Variants in CSMD1 observed in about 807,000 individuals in gnomAD.
CSMD1 encodes the protein CUB and Sushi multiple domains 1.
A neutral mutation model predicts 417.5 loss-of-function variants in CSMD1; 213 were observed. The ratio of observed to expected loss-of-function variants is 0.51; its 90% CI spans 0.46 to 0.57. The LOEUF (loss-of-function observed/expected upper bound fraction) is 0.57, where lower values mean the gene tolerates loss of function less well. CSMD1 is among the 20% of genes least tolerant of loss of function. The pLI, the probability that CSMD1 is intolerant of heterozygous loss-of-function variation, is 0.00. For synonymous variants in CSMD1, 2,862 were observed against 1,736.8 expected (o/e 1.65, Z -16.11); for missense variants, 6,923 against 4,529.7 (o/e 1.53, Z -15.17).
At chr8:3,477,573 G>A (rs1330466746) in intron 11 of CSMD1, among the ~76,000 whole-genome samples, 1 of 152,206 alleles carries the variant, frequency 6.6e-6, no homozygotes, top group East Asian at 1.9e-4. Context: ...TGAGGATGGA[G>A]TAAAATACCA....
chr8:4,440,514 G>C (rs1808586), intron 2 of CSMD1, among the ~76,000 whole-genome samples: 59,948 of 151,894 alleles, frequency 0.39, 12,926 homozygotes, highest in Non-Finnish European at 0.5. Flanking sequence ...AATTTCTATG[G>C]ATATAAAGAC....
intron 1 of CSMD1, among the ~76,000 whole-genome samples, chr8:4,949,210 G>C (rs898172466): frequency 1.3e-5 from 2 of 152,048 alleles, no homozygotes; most frequent in Non-Finnish European, 2.9e-5. Flanking sequence ...ATTGCATTTG[G>C]TTTGTCTATA....
chr8:4,221,051 C>T (rs767213733), intron 3 of CSMD1, among the ~76,000 whole-genome samples: 5 of 151,920 alleles, frequency 3.3e-5, no homozygotes, highest in African/African-American at 9.7e-5. Context: ...TTCCCATGAG[C>T]GAAAAACCCA....
At chr8:3,553,672 T>C (rs1799016417) in intron 10 of CSMD1, among the ~76,000 whole-genome samples, 1 of 152,228 alleles carries the variant, frequency 6.6e-6, no homozygotes, top group African/African-American at 2.4e-5. Context: ...TAACTTGGGA[T>C]AGGGAAACCA....
intron 11 of CSMD1, among the ~76,000 whole-genome samples, chr8:3,481,424 G>C (rs577649533): frequency 1.3e-5 from 2 of 152,112 alleles, no homozygotes; most frequent in Non-Finnish European, 2.9e-5. Flanking sequence ...AGTTGAAGGG[G>C]TAAAGGGCCC....
chr8:3,256,223 G>C (rs961087437), intron 26 of CSMD1, among the ~76,000 whole-genome samples: 1 of 150,870 alleles, frequency 6.6e-6, no homozygotes, highest in African/African-American at 2.4e-5. Flanking sequence ...ACTACTCAGG[G>C]GGCTGAGGCA....
At chr8:4,920,934 G>GA (rs1438280458) in intron 1 of CSMD1, among the ~76,000 whole-genome samples, 7 of 1,722 alleles carry the variant, frequency 4.1e-3, no homozygotes, top group South Asian at 0.062. Flanking sequence ...AAGAAAGAGA[G>GA]AAAGAAAGAA....
At chr8:4,924,893 G>T (rs920031002) in intron 1 of CSMD1, among the ~76,000 whole-genome samples, 9 of 152,030 alleles carry the variant, frequency 5.9e-5, no homozygotes, top group African/African-American at 1.9e-4. Context: ...AGACAAAACT[G>T]GGATTTGAAC....
At chr8:4,125,232 G>A (rs547928837) in intron 3 of CSMD1, among the ~76,000 whole-genome samples, 4 of 152,242 alleles carry the variant, frequency 2.6e-5, no homozygotes, top group African/African-American at 9.6e-5. Flanking sequence ...ACTGCTTAGG[G>A]CCAACCTGCC....
chr8:3,553,963 A>C (rs1287383275), intron 10 of CSMD1, among the ~76,000 whole-genome samples: 1 of 152,216 alleles, frequency 6.6e-6, no homozygotes, highest in African/African-American at 2.4e-5. Flanking sequence ...TTTGTACATT[A>C]GGTGATGGAA....
chr8:4,405,195 A>G (rs890427349), intron 3 of CSMD1, among the ~76,000 whole-genome samples: 1 of 152,210 alleles, frequency 6.6e-6, no homozygotes, highest in African/African-American at 2.4e-5. Context: ...AACACAATGT[A>G]TTTTACTCAA....
intron 10 of CSMD1, among the ~76,000 whole-genome samples, chr8:3,547,165 G>C (rs377231364): frequency 7.0e-4 from 107 of 152,324 alleles, no homozygotes; most frequent in African/African-American, 2.4e-3. Flanking sequence ...GCTTGGCAAA[G>C]ATGAATACCT....
intron 3 of CSMD1, among the ~76,000 whole-genome samples, chr8:4,377,997 T>C (rs1364862069): frequency 6.6e-6 from 1 of 152,208 alleles, no homozygotes; most frequent in African/African-American, 2.4e-5. Flanking sequence ...AACATTTAAA[T>C]ATATTTGTAA....
chr8:4,788,526 T>G, intron 1 of CSMD1: 1 of 1,436,132 alleles, frequency 7.0e-7, no homozygotes, highest in Non-Finnish European at 9.7e-7. Context: ...TGAGCAAGCA[T>G]TTTGAACACA....
intron 3 of CSMD1, among the ~76,000 whole-genome samples, chr8:4,059,868 G>T (rs898579864): frequency 6.7e-6 from 1 of 149,950 alleles, no homozygotes; most frequent in African/African-American, 2.4e-5. Flanking sequence ...AGAGGTACAA[G>T]GAGGAACTGG....
intron 5 of CSMD1, among the ~76,000 whole-genome samples, chr8:3,937,274 C>A (rs1185769636): frequency 2.0e-5 from 3 of 151,670 alleles, no homozygotes; most frequent in Admixed American, 6.6e-5. Context: ...AGAAGACTGA[C>A]TGAATTTTGA....
chr8:4,845,425 T>C (rs1801085257), intron 1 of CSMD1, among the ~76,000 whole-genome samples: 5 of 152,192 alleles, frequency 3.3e-5, no homozygotes. Context: ...ATTGAGAACT[T>C]GAATCAACCA....
intron 10 of CSMD1, among the ~76,000 whole-genome samples, chr8:3,498,003 T>C (rs992059474): frequency 6.6e-6 from 1 of 152,248 alleles, no homozygotes; most frequent in Non-Finnish European, 1.5e-5. Flanking sequence ...TAAATTTTTA[T>C]TAGCTTTTCC....
intron 25 of CSMD1, among the ~76,000 whole-genome samples, chr8:3,295,054 A>G (rs541854200): frequency 6.6e-6 from 1 of 152,150 alleles, no homozygotes; most frequent in African/African-American, 2.4e-5. Flanking sequence ...TGTGTTTAAG[A>G]GTAGTTACAT....
Sources: allele counts gnomAD v4.1 joint callset (sites outside exome capture counted in the v4.1 genomes callset), GRCh38; gene constraint gnomAD v4.1.1; transcripts MANE v1.5; gene names NCBI Gene and HGNC (gene_info 2026-07-23, HGNC 2026-07-21).